Variants in NPAS3 observed in about 807,000 individuals in gnomAD.
NPAS3 encodes the protein neuronal PAS domain protein 3.
In NPAS3, 14 loss-of-function variants were observed where a neutral mutation model predicts 73.1. The observed-to-expected ratio is 0.19, with a 90% CI of 0.13 to 0.30. The LOEUF (loss-of-function observed/expected upper bound fraction) is 0.30, where lower values mean the gene tolerates loss of function less well. NPAS3 is among the 10% of genes least tolerant of loss of function. NPAS3 has a pLI of 1.00. For missense variants in NPAS3, 1,096 were observed against 1,250.0 expected (o/e 0.88, Z 1.86); for synonymous variants, 620 against 541.5 (o/e 1.14, Z -2.01).
intron 3 of NPAS3, among the ~76,000 whole-genome samples, chr14:33,287,466 G>A (rs2041923901): frequency 6.6e-6 from 1 of 152,150 alleles, no homozygotes; most frequent in Non-Finnish European, 1.5e-5. Flanking sequence ...CTAACCGACA[G>A]GGCACACACA....
intron 6 of NPAS3, among the ~76,000 whole-genome samples, chr14:33,677,600 T>C (rs2059804852): frequency 8.1e-6 from 1 of 123,600 alleles, no homozygotes; most frequent in Non-Finnish European, 1.6e-5. Flanking sequence ...AATCACGATA[T>C]GTTTTCTCAC....
At chr14:33,630,025 C>G (rs986289196) in intron 5 of NPAS3, among the ~76,000 whole-genome samples, 9 of 152,184 alleles carry the variant, frequency 5.9e-5, no homozygotes, top group Non-Finnish European at 1.0e-4. Flanking sequence ...AAATTCTCAT[C>G]AGTGCTGCTG....
intron 3 of NPAS3, among the ~76,000 whole-genome samples, chr14:33,267,396 G>C (rs1215800012): frequency 6.6e-6 from 1 of 152,098 alleles, no homozygotes; most frequent in Admixed American, 6.5e-5. Flanking sequence ...TAAGGATCTT[G>C]ACTTATGAGA....
chr14:33,404,040 G>A lies in NPAS3; in HGVS notation c.468+36772G>A, dbSNP rs79809193. 8.6e-3 allele frequency among the ~76,000 whole-genome samples: 1,313 copies of A among 152,264 alleles called. 22 individuals are homozygous for A. Among genetic ancestry groups the A allele is most frequent in the African/African-American group, 0.028 (1,183 of 41,548 alleles). On this transcript the variant is annotated intron_variant, in intron 4 of 11. Transcript: ENST00000356141. The stretch of plus-strand genomic sequence containing the variant: ...AGCAGCAGTAATCGTGATGCACAGC[G>A]TCCTTTCAGGTACCTGGGAAGTGGG...
In NPAS3 at chr14:33,114,596, A is replaced by C. The variant is rs190600717; in HGVS notation, c.140+58602A>C. 7.2e-5 allele frequency among the ~76,000 whole-genome samples: 11 copies of C among 152,276 alleles called. No individual in the cohort carries two copies. The East Asian group carries it at 1.9e-3, about 27-fold the overall frequency. On this transcript the variant is annotated intron_variant, in intron 2 of 11. Transcript: ENST00000356141. Reference sequence around the variant, plus strand: ...TTGAGAAATGCTAGCACATAAATGCAATCAACAGATGAGAACAATCCTCTC... The same window carrying C: ...TTGAGAAATGCTAGCACATAAATGCCATCAACAGATGAGAACAATCCTCTC...
rs1022538492 is a variant in NPAS3 at position 33,765,110 on chromosome 14, A to G, written c.853-9227A>G. 7.2e-5 allele frequency among the ~76,000 whole-genome samples: 11 copies of G among 152,322 alleles called. No homozygotes were observed. The South Asian group carries it at 1.0e-3, about 14-fold the overall frequency. ...TGGGGGGGCCAGGCACATTTTGAGA[A>G]GCTAAAGCTGTAATTATAGTTATAT... On this transcript the variant is annotated intron_variant, in intron 7 of 11. Coordinates refer to ENST00000356141, the Ensembl canonical transcript of NPAS3.
intron 2 of NPAS3, among the ~76,000 whole-genome samples, chr14:33,154,829 A>G (rs139382366): frequency 6.6e-6 from 1 of 152,300 alleles, no homozygotes; most frequent in East Asian, 1.9e-4. Context: ...TGTTATTTTA[A>G]TGAAAACAAT....
intron 4 of NPAS3, among the ~76,000 whole-genome samples, chr14:33,372,520 C>G (rs1322311684): frequency 6.6e-6 from 1 of 152,134 alleles, no homozygotes; most frequent in Non-Finnish European, 1.5e-5. Context: ...TAGGCAGGGC[C>G]AAGGCCCAGG....
At chr14:33,145,219 A>G (rs1300643490) in intron 2 of NPAS3, among the ~76,000 whole-genome samples, 1 of 152,200 alleles carries the variant, frequency 6.6e-6, no homozygotes, top group East Asian at 1.9e-4. Flanking sequence ...GAACGTGTAT[A>G]TGTATGAAAA....
At chr14:33,394,273 T>C (rs529807917) in intron 4 of NPAS3, among the ~76,000 whole-genome samples, 2 of 152,314 alleles carry the variant, frequency 1.3e-5, no homozygotes, top group East Asian at 1.9e-4. Flanking sequence ...CTGTGAACTC[T>C]GACCCCCACT....
intron 4 of NPAS3, among the ~76,000 whole-genome samples, chr14:33,519,579 T>C (rs1289145877): frequency 6.6e-6 from 1 of 152,100 alleles, no homozygotes; most frequent in Non-Finnish European, 1.5e-5. Flanking sequence ...AGATTAATTC[T>C]CCAAACCTCG....
chr14:33,382,136 A>G (rs2046582004), intron 4 of NPAS3, among the ~76,000 whole-genome samples: 1 of 152,174 alleles, frequency 6.6e-6, no homozygotes, highest in Non-Finnish European at 1.5e-5. Context: ...TTTCCCCCCA[A>G]AGAATGTCAT....
rs141427321 is a variant in NPAS3 at position 33,800,396 on chromosome 14, G to A, written c.2089G>A (p.Gly697Ser). ...TGAGCACTTCCCGTCCCCGCAGGGC[G>A]GCGGCGGTGGGGGTGGCGGTGGCGG... The change falls in exon 12 of 12, where the codon GGC becomes AGC. Residue 697 changes from glycine to serine, a missense_variant. Gly to Ser is a moderately conservative substitution (Grantham distance 56). This residue lies in a region of NPAS3 where 698 missense variants were observed against 676.7 expected (regional missense o/e 1.03). Transcript: ENST00000356141. The surrounding 1 kb of genome is among the most constrained non-coding windows in gnomAD (Gnocchi z 6.5). 1.3e-3 allele frequency: 2,038 copies of A among 1,605,016 alleles called. 4 individuals carry two copies. The highest frequency in any genetic ancestry group is 1.6e-3 in the Non-Finnish European group (1,848 of 1,177,390).
At chr14:33,542,929 A>G (rs1327999484) in intron 4 of NPAS3, among the ~76,000 whole-genome samples, 2 of 152,204 alleles carry the variant, frequency 1.3e-5, no homozygotes, top group Non-Finnish European at 2.9e-5. Flanking sequence ...ATTTGAAGGT[A>G]GACAGAACTG....
intron 2 of NPAS3, among the ~76,000 whole-genome samples, chr14:33,180,643 CA>C: frequency 6.6e-6 from 1 of 151,470 alleles, no homozygotes; most frequent in Non-Finnish European, 1.5e-5. Context: ...ATTAAAAATA[CA>C]AAAAATTAGC....
chr14:33,011,225 T>A (rs1189759368), intron 1 of NPAS3, among the ~76,000 whole-genome samples: 1 of 152,238 alleles, frequency 6.6e-6, no homozygotes, highest in East Asian at 1.9e-4. Context: ...TGTATACTTT[T>A]AAATTTTTAT....
At chr14:33,417,759 GA>G (rs201131123) in intron 4 of NPAS3, among the ~76,000 whole-genome samples, 4 of 148,216 alleles carry the variant, frequency 2.7e-5, no homozygotes, top group Non-Finnish European at 3.0e-5. Flanking sequence ...ATGCCTTTCT[GA>G]AAAAAAAACA....
chr14:33,610,570 T>G (rs1235031574), intron 5 of NPAS3, among the ~76,000 whole-genome samples: 2 of 152,224 alleles, frequency 1.3e-5, no homozygotes, highest in African/African-American at 4.8e-5. Flanking sequence ...TCACCAGTAT[T>G]TTTAAAAATT....
At chr14:33,373,418 G>A (rs2046182110) in intron 4 of NPAS3, among the ~76,000 whole-genome samples, 2 of 150,740 alleles carry the variant, frequency 1.3e-5, no homozygotes, top group Admixed American at 6.6e-5. Context: ...GTGTGTGTGT[G>A]TGTTACTAAC....
Sources: gnomAD v4.1 joint callset for allele counts (sites outside exome capture counted in the v4.1 genomes callset) on GRCh38, gnomAD v4.1.1 for gene constraint, gnomAD v4.1.1 regional missense constraint, Gnocchi (gnomAD v3.1) non-coding constraint, MANE v1.5 for transcripts, NCBI Gene and HGNC (gene_info 2026-07-23, HGNC 2026-07-21) for gene names.